The following FAM184B variants were observed in gnomAD, a reference collection of about 807,000 sequenced individuals.
FAM184B encodes the protein protein FAM184B.
FAM184B carries 111 observed loss-of-function variants against 135.9 expected under a neutral mutation model. That is an observed-to-expected ratio of 0.82 (90% confidence interval 0.70 to 0.96). FAM184B has a LOEUF of 0.96. FAM184B is among the 40% of genes least tolerant of loss of function. The probability of loss-of-function intolerance (pLI) is 0.00; values close to 1 mark genes in which losing one functional copy is unlikely to be tolerated. For missense variants in FAM184B, 1,375 were observed against 1,323.9 expected (o/e 1.04, Z -0.60); for synonymous variants, 552 against 524.8 (o/e 1.05, Z -0.71).
Position 17,681,126 on chromosome 4 carries a change from G to T in FAM184B, c.1596+7298C>A, listed in dbSNP as rs148498410. ...AGTCTCTGGGGGTATGAAGTGCAGG[G>T]ATTATTGCCACTGTTTTACTAACAA... On this transcript the variant is annotated intron_variant, in intron 7 of 17. Coordinates refer to ENST00000265018, the MANE Select transcript of FAM184B (RefSeq NM_015688.2). 3.2e-3 allele frequency among the ~76,000 whole-genome samples: 483 copies of T among 152,306 alleles called. 3 individuals are homozygous for T. Among genetic ancestry groups the T allele is most frequent in the African/African-American group, 0.011 (454 of 41,568 alleles).
At chr4:17,635,231 A>G (rs960279059) in intron 15 of FAM184B, 118 bp from the exon 16 acceptor site, 19 of 750,658 alleles carry the variant, frequency 2.5e-5, no homozygotes, top group Admixed American at 2.4e-4. Flanking sequence ...AGGAAGGGGA[A>G]GTCAGTGGGA....
At chr4:17,635,552 C>A (rs1336362564) in intron 15 of FAM184B, among the ~76,000 whole-genome samples, 1 of 151,162 alleles carries the variant, frequency 6.6e-6, no homozygotes, top group Non-Finnish European at 1.5e-5. Flanking sequence ...TATGGCCGAT[C>A]TTGTTTGTGT....
rs78741056 is a variant in FAM184B at position 17,687,555 on chromosome 4, C to T, written c.1596+869G>A. Among the ~76,000 whole-genome samples, 900 of 152,246 alleles carry T rather than the reference C, an allele frequency of 5.9e-3. 7 individuals carry two copies. Among genetic ancestry groups the T allele is most frequent in the African/African-American group, 0.021 (869 of 41,528 alleles). ...GTGATCTTATTTGGAAATAGGATCTCTGCAGATGCAATTAGTTACGATGAG... is the reference window on the plus strand; with the variant it reads ...GTGATCTTATTTGGAAATAGGATCTTTGCAGATGCAATTAGTTACGATGAG... On this transcript the variant is annotated intron_variant, in intron 7 of 17. Coordinates refer to ENST00000265018, the MANE Select transcript of FAM184B (RefSeq NM_015688.2).
At chr4:17,652,050 T>C (rs555057007) in intron 11 of FAM184B, among the ~76,000 whole-genome samples, 155 of 151,948 alleles carry the variant, frequency 1.0e-3, no homozygotes, top group African/African-American at 3.6e-3. Context: ...TTACATGCAA[T>C]AATAATGATG....
At chr4:17,642,856 G>A (rs1376367014) in intron 12 of FAM184B, among the ~76,000 whole-genome samples, 1 of 152,242 alleles carries the variant, frequency 6.6e-6, no homozygotes, top group African/African-American at 2.4e-5. Flanking sequence ...AAAAATTGCT[G>A]TCCAACAGCA....
rs893840558 is a variant in FAM184B, at chr4:17,694,262, G to T, written c.1378-850C>A. Among the ~76,000 whole-genome samples the T allele has an allele frequency of 2.0e-5, 3 of 152,316 alleles. No homozygotes were observed. The East Asian group carries it at 5.8e-4, about 29-fold the overall frequency. On this transcript the variant is annotated intron_variant, in intron 5 of 17. Coordinates refer to ENST00000265018, the MANE Select transcript of FAM184B (RefSeq NM_015688.2). ...AGAGGGGCCAGGCGCGGTGGCTGAC[G>T]CCTGTAATCCCAGCACTTTGGGAGG... is the stretch of plus-strand genomic sequence containing the variant.
intron 9 of FAM184B, among the ~76,000 whole-genome samples, 166 bp downstream of exon 9, chr4:17,659,792 G>A (rs1202602808): frequency 6.6e-6 from 1 of 152,094 alleles, no homozygotes; most frequent in Admixed American, 6.5e-5. Flanking sequence ...GGCTGCAACA[G>A]GTTTGGAATG....
At chr4:17,754,597 G>A (rs191058100) in intron 1 of FAM184B, among the ~76,000 whole-genome samples, 1 of 147,942 alleles carries the variant, frequency 6.8e-6, no homozygotes, top group Non-Finnish European at 1.5e-5. Flanking sequence ...AGAAACTTTA[G>A]ATCTACAGCA....
chr4:17,652,752 C>T, intron 11 of FAM184B, 78 bp downstream of exon 11: 1 of 1,476,924 alleles, frequency 6.8e-7, no homozygotes, highest in Non-Finnish European at 9.1e-7. Flanking sequence ...GGAGCCCTGG[C>T]CCTCAGCTTG....
At chr4:17,641,745 G>A (rs1208424576) in intron 13 of FAM184B, among the ~76,000 whole-genome samples, 18 of 144,878 alleles carry the variant, frequency 1.2e-4, no homozygotes, top group Non-Finnish European at 2.5e-4. Flanking sequence ...TGATGCGCCC[G>A]CCTCTGCCAA....
intron 1 of FAM184B, among the ~76,000 whole-genome samples, chr4:17,743,857 A>G (rs544257577): frequency 5.8e-4 from 89 of 152,340 alleles, no homozygotes; most frequent in African/African-American, 2.1e-3. Flanking sequence ...GTATGTCAGC[A>G]GTCTAGGTAT....
intron 5 of FAM184B, among the ~76,000 whole-genome samples, chr4:17,701,612 A>T (rs183542701): frequency 5.9e-4 from 90 of 152,332 alleles, no homozygotes; most frequent in African/African-American, 1.9e-3. Context: ...GCATGGGCAC[A>T]TGACTGAAGC....
rs139980148 is a variant in FAM184B, at chr4:17,778,492, G to A, written c.141+2667C>T. Among the ~76,000 whole-genome samples the A allele has an allele frequency of 3.3e-5, 5 of 152,198 alleles. No individual in the cohort carries two copies. In the East Asian group the frequency reaches 7.7e-4, roughly 23 times the overall value. On this transcript the variant is annotated intron_variant, in intron 1 of 17. Coordinates refer to ENST00000265018, the MANE Select transcript of FAM184B (RefSeq NM_015688.2). ...GGGAACACTGTAGATTCAAGAAAAA[G>A]AAATAGCAGAAAAATTGATAAAATG...
intron 16 of FAM184B, 99 bp downstream of exon 16, chr4:17,634,910 C>G: frequency 1.5e-6 from 1 of 678,108 alleles, no homozygotes. Context: ...GAATATTTTT[C>G]TGAGCGTACA....
At chr4:17,742,837 A>C (rs1393842429) in intron 1 of FAM184B, among the ~76,000 whole-genome samples, 1 of 152,212 alleles carries the variant, frequency 6.6e-6, no homozygotes, top group Non-Finnish European at 1.5e-5. Context: ...ACAAGAACCC[A>C]GGTGCCAAGA....
chr4:17,696,890 G>A (rs1716879203), intron 5 of FAM184B, among the ~76,000 whole-genome samples: 1 of 152,144 alleles, frequency 6.6e-6, no homozygotes, highest in Non-Finnish European at 1.5e-5. Context: ...TTGGACAGGG[G>A]AGAGGTGTGG....
At chr4:17,729,167 G>T (rs1429204706) in intron 1 of FAM184B, among the ~76,000 whole-genome samples, 2 of 152,222 alleles carry the variant, frequency 1.3e-5, no homozygotes, top group Admixed American at 1.3e-4. Flanking sequence ...AGCAGTCTGA[G>T]ATCAAACTGC....
chr4:17,709,762 G>A, intron 1 of FAM184B, 118 bp from the exon 2 acceptor site: 1 of 907,556 alleles, frequency 1.1e-6, no homozygotes, highest in Non-Finnish European at 1.6e-6. Flanking sequence ...CACCTGAGAA[G>A]AGGATTTGCG....
chr4:17,708,964 T>A lies in FAM184B; in HGVS notation c.822A>T (p.Gly274=). Residue 274 remains glycine (G), a synonymous_variant, in exon 2 of 18, where the codon GGA becomes GGT. Transcript: ENST00000265018. ...TCTTGCGGCCTCTGTGCTCCAGGTC[T>A]CCTTCCAGCTTCCGGACCTGAGCCT... is the stretch of plus-strand genomic sequence containing the variant. ...ALQAQVRKLE[G]DLEHRGRKIS... is the part of the protein sequence containing the mutation. 1 of 1,550,576 alleles carries A rather than the reference T, an allele frequency of 6.4e-7. No homozygotes were observed. The highest frequency in any genetic ancestry group is 2.4e-5 in the East Asian group (1 of 40,868).
Sources: gnomAD v4.1 joint callset for allele counts (sites outside exome capture counted in the v4.1 genomes callset) on GRCh38, gnomAD v4.1.1 for gene constraint, MANE v1.5 for transcripts, NCBI Gene and HGNC (gene_info 2026-07-23, HGNC 2026-07-21) for gene names.